NCEH1: variants seen among roughly 807,000 people sequenced by gnomAD.
The protein encoded by NCEH1 is neutral cholesterol ester hydrolase 1.
A neutral mutation model predicts 25.4 loss-of-function variants in NCEH1; 9 were observed. That is an observed-to-expected ratio of 0.35 (90% confidence interval 0.21 to 0.62). The LOEUF (loss-of-function observed/expected upper bound fraction) is 0.62. Ranked by LOEUF, NCEH1 falls within the 20% of genes least tolerant of loss-of-function variation. The probability of loss-of-function intolerance (pLI) is 0.72; values close to 1 mark genes in which losing one functional copy is unlikely to be tolerated. For synonymous variants in NCEH1, 200 were observed against 199.8 expected (o/e 1.00, Z -0.01); for missense variants, 412 against 501.1 (o/e 0.82, Z 1.70).
Position 172,633,359 on chromosome 3 carries a change from T to G in NCEH1, c.*116A>C. ...CTTCAGTTATGGAATAGAAATTCCA[T>G]AACTCGCAAGTAGAGGGGAATGGGA... On this transcript the variant is annotated 3_prime_UTR_variant, in exon 5 of 5. Coordinates refer to ENST00000475381, the MANE Select transcript of NCEH1 (RefSeq NM_020792.6). 2.0e-6 allele frequency: 2 copies of G among 997,408 alleles called. No individual in the cohort carries two copies. The highest frequency in any genetic ancestry group is 3.0e-6 in the Non-Finnish European group (2 of 668,306). The allele number at this position is 997,408 out of a possible 1,614,324, so 61.8% of individuals were successfully genotyped here. A position where few individuals can be genotyped will look rare whatever the true frequency, so the allele number is the denominator to read the frequency against.
At chr3:172,709,527 G>T (rs546060842) in intron 1 of NCEH1, among the ~76,000 whole-genome samples, 1 of 152,158 alleles carries the variant, frequency 6.6e-6, no homozygotes, top group Admixed American at 6.5e-5. Context: ...GGAAAAGAAG[G>T]GGGGCAGGGG....
At chr3:172,705,370 C>A (rs554215122) in intron 1 of NCEH1, among the ~76,000 whole-genome samples, 1 of 152,180 alleles carries the variant, frequency 6.6e-6, no homozygotes, top group Non-Finnish European at 1.5e-5. Context: ...CCCAAGTGCC[C>A]AACCCAGTGA....
chr3:172,647,878 G>A lies in NCEH1; in HGVS notation c.367+8C>T. ...ACAACAAACCATCTGAAGGTGACCAGGACGCACTTGCACTTGCCAAGGCCC... is the reference window on the plus strand; with the variant it reads ...ACAACAAACCATCTGAAGGTGACCAAGACGCACTTGCACTTGCCAAGGCCC... On this transcript the variant is annotated splice_region_variant and intron_variant, in intron 2 of 4. Coordinates refer to ENST00000475381, the MANE Select transcript of NCEH1 (RefSeq NM_020792.6). The A allele has an allele frequency of 6.2e-7, 1 of 1,614,102 alleles. No homozygotes were observed. The highest frequency in any genetic ancestry group is 8.5e-7 in the Non-Finnish European group (1 of 1,180,008).
intron 3 of NCEH1, among the ~76,000 whole-genome samples, chr3:172,642,603 C>CAAAAAAAAAA (rs66551744): frequency 3.6e-5 from 3 of 83,880 alleles, no homozygotes; most frequent in African/African-American, 4.9e-5. Context: ...GCTATTTCTA[C>CAAAAAAAAAA]AAAAAAAAAA....
At chr3:172,655,972 C>A (rs932969067) in intron 1 of NCEH1, among the ~76,000 whole-genome samples, 4 of 152,084 alleles carry the variant, frequency 2.6e-5, no homozygotes, top group African/African-American at 9.7e-5. Flanking sequence ...GCAACAGAAA[C>A]AAGAAACTGG....
intron 3 of NCEH1, among the ~76,000 whole-genome samples, chr3:172,641,302 T>C (rs921341023): frequency 1.6e-4 from 25 of 152,212 alleles, no homozygotes; most frequent in African/African-American, 6.0e-4. Context: ...TATAGCGTTG[T>C]AGAAGCTACT....
chr3:172,701,944 T>C (rs1022989325), intron 1 of NCEH1, among the ~76,000 whole-genome samples: 2 of 152,190 alleles, frequency 1.3e-5, no homozygotes, highest in African/African-American at 4.8e-5. Context: ...CTTTGAACTT[T>C]AAGCTCCAGC....
At chr3:172,708,371 T>C (rs1447995035) in intron 1 of NCEH1, among the ~76,000 whole-genome samples, 1 of 152,220 alleles carries the variant, frequency 6.6e-6, no homozygotes, top group African/African-American at 2.4e-5. Flanking sequence ...ATATATTTTT[T>C]TGAGACAGAG....
intron 1 of NCEH1, among the ~76,000 whole-genome samples, chr3:172,690,383 G>A (rs1281525220): frequency 1.3e-5 from 2 of 152,082 alleles, no homozygotes; most frequent in African/African-American, 4.8e-5. Context: ...AATTAAACAA[G>A]GTAACCATTT....
intron 3 of NCEH1, among the ~76,000 whole-genome samples, chr3:172,638,927 T>C (rs1259309046): frequency 6.6e-6 from 1 of 152,160 alleles, no homozygotes; most frequent in Non-Finnish European, 1.5e-5. Context: ...GCCATAAAGA[T>C]CCATGGCCTA....
At chr3:172,692,989 C>A (rs1277852375) in intron 1 of NCEH1, among the ~76,000 whole-genome samples, 1 of 152,212 alleles carries the variant, frequency 6.6e-6, no homozygotes, top group Non-Finnish European at 1.5e-5. Flanking sequence ...TCCATTCAGA[C>A]CCAGCTCAGC....
At chr3:172,657,716 A>T (rs1463384643) in intron 1 of NCEH1, among the ~76,000 whole-genome samples, 14 of 152,186 alleles carry the variant, frequency 9.2e-5, no homozygotes, top group Admixed American at 9.2e-4. Flanking sequence ...TACAGGAAAA[A>T]AAGAAAAATC....
At chr3:172,703,731 TGTAGAA>T (rs1713830193) in intron 1 of NCEH1, among the ~76,000 whole-genome samples, 1 of 152,086 alleles carries the variant, frequency 6.6e-6, no homozygotes, top group Admixed American at 6.6e-5. Flanking sequence ...GGGTTATATT[TGTAGAA>T]GTACCAGAAA....
At chr3:172,654,860 C>T (rs1250212934) in intron 1 of NCEH1, among the ~76,000 whole-genome samples, 5 of 152,170 alleles carry the variant, frequency 3.3e-5, no homozygotes, top group Admixed American at 6.5e-5. Context: ...TTATATTTTG[C>T]TCTAATTGTG....
chr3:172,661,484 A>T (rs577036740), intron 1 of NCEH1, among the ~76,000 whole-genome samples: 1 of 152,246 alleles, frequency 6.6e-6, no homozygotes, highest in East Asian at 1.9e-4. Flanking sequence ...TATGAACTTT[A>T]AAGTATTTTT....
At chr3:172,671,652 C>G (rs1024783648) in intron 1 of NCEH1, among the ~76,000 whole-genome samples, 1 of 112,492 alleles carries the variant, frequency 8.9e-6, no homozygotes, top group African/African-American at 3.6e-5. Context: ...TATATACATA[C>G]ACACATGCAC....
At position 172,681,022 on chromosome 3, in the gene NCEH1, T is replaced by C. The variant is rs564791381; in HGVS notation, c.138+29825A>G. The stretch of plus-strand genomic sequence containing the variant: ...AAAAAAAAAAAAAAAGTATGACACC[T>C]ATAAGCCTTTACTTGCCAAGATACG... On this transcript the variant is annotated intron_variant, in intron 1 of 4. Coordinates refer to ENST00000475381, the MANE Select transcript of NCEH1 (RefSeq NM_020792.6). The C allele has an allele frequency of 3.3e-5, 5 of 149,672 alleles. No individual in the cohort carries two copies. In the East Asian group the frequency reaches 9.8e-4, roughly 29 times the overall value. 9.3% of individuals were successfully genotyped at this position (149,672 alleles called of 1,614,324 possible). A position where few individuals can be genotyped will look rare whatever the true frequency, so the allele number is the denominator to read the frequency against.
Position 172,683,122 on chromosome 3 carries a change from G to GA in NCEH1, c.138+27724_138+27725insT, listed in dbSNP as rs1258796143. On this transcript the variant is annotated intron_variant, in intron 1 of 4. Coordinates refer to ENST00000475381, the MANE Select transcript of NCEH1 (RefSeq NM_020792.6). ...CCAGTGCTTTAAGAAGCGGAGGCAG[G>GA]GCCGGGCGCGGTGGCTCACGCCTGT... Among the ~76,000 whole-genome samples the GA allele has an allele frequency of 1.8e-4, 23 of 131,298 alleles. 2 individuals are homozygous for GA. The highest frequency in any genetic ancestry group is 2.1e-4 in the African/African-American group (7 of 33,400). The allele number at this position is 131,298 out of a possible 152,430, so 86.1% of individuals were successfully genotyped here. A position where few individuals can be genotyped will look rare whatever the true frequency, so the allele number is the denominator to read the frequency against.
At chr3:172,688,287 G>A (rs909449261) in intron 1 of NCEH1, among the ~76,000 whole-genome samples, 1 of 127,300 alleles carries the variant, frequency 7.9e-6, no homozygotes, top group East Asian at 2.3e-4. Context: ...CCGAGATCAC[G>A]TCACTGCACT....
Sources: allele counts gnomAD v4.1 joint callset (sites outside exome capture counted in the v4.1 genomes callset), GRCh38; gene constraint gnomAD v4.1.1; transcripts MANE v1.5; gene names NCBI Gene and HGNC (gene_info 2026-07-23, HGNC 2026-07-21).